Variants in SFXN5 observed in about 807,000 individuals in gnomAD.
SFXN5 encodes the protein sideroflexin-5.
A neutral mutation model predicts 50.2 loss-of-function variants in SFXN5; 43 were observed. The observed-to-expected ratio is 0.86, with a 90% CI of 0.67 to 1.11. The LOEUF is 1.11. Among genes scored for constraint, SFXN5 ranks in the 50% least tolerant of loss-of-function variants. The pLI, the probability that SFXN5 is intolerant of heterozygous loss-of-function variation, is 0.00. For missense variants in SFXN5, 463 were observed against 454.1 expected, an observed-to-expected ratio of 1.02 and a Z score of -0.18; for synonymous variants, 203 against 185.8, an observed-to-expected ratio of 1.09 and a Z score of -0.75.
Position 72,992,153 on chromosome 2 carries a change from G to A in SFXN5, c.535-3805C>T, listed in dbSNP as rs1385550670. Among the ~76,000 whole-genome samples, 1 of 152,232 alleles carries A rather than the reference G, an allele frequency of 6.6e-6. No homozygotes were observed. Among genetic ancestry groups the A allele is most frequent in the East Asian group, 1.9e-4 (1 of 5,198 alleles). ...TCTCCAAGGTCTGGCTACTGGGCCA[G>A]TGAATTTGCCATGAGCAGCTGACAG... On this transcript the variant is annotated intron_variant, in intron 9 of 13. Transcript: ENST00000272433. The surrounding 1 kb of genome is among the most constrained non-coding windows in gnomAD (Gnocchi z 4.5).
intron 6 of SFXN5, among the ~76,000 whole-genome samples, chr2:73,008,980 T>C (rs1420238246): frequency 3.3e-5 from 5 of 152,036 alleles, no homozygotes; most frequent in Admixed American, 3.3e-4. Flanking sequence ...GGAAACAGCG[T>C]AGGGGTCAAG....
At chr2:72,986,780 C>T (rs1458705261) in intron 10 of SFXN5, among the ~76,000 whole-genome samples, 2 of 152,200 alleles carry the variant, frequency 1.3e-5, no homozygotes, top group African/African-American at 4.8e-5. Context: ...TCCAGGGCCC[C>T]AGCCTGGGGC....
intron 9 of SFXN5, chr2:72,997,987 C>T (rs1468240674): frequency 3.3e-5 from 5 of 151,990 alleles, no homozygotes; most frequent in Admixed American, 2.0e-4. Flanking sequence ...GACTCCAACA[C>T]CTGGGCTCAA....
intron 9 of SFXN5, chr2:72,998,003 C>T (rs1255398025): frequency 2.6e-5 from 4 of 152,308 alleles, no homozygotes; most frequent in Admixed American, 6.5e-5. Flanking sequence ...CTCAATGATC[C>T]TCCTACCTCA....
At chr2:73,012,106 T>G (rs922003105) in intron 6 of SFXN5, among the ~76,000 whole-genome samples, 5 of 152,210 alleles carry the variant, frequency 3.3e-5, no homozygotes, top group Admixed American at 3.3e-4. Flanking sequence ...AAGTATATTG[T>G]TATATTTTAA....
At chr2:73,010,388 GT>G (rs1345574889) in intron 6 of SFXN5, among the ~76,000 whole-genome samples, 3 of 152,178 alleles carry the variant, frequency 2.0e-5, no homozygotes, top group African/African-American at 7.2e-5. Context: ...GAATGTGAAT[GT>G]GATGGCTGGA....
intron 3 of SFXN5, 56 bp from the exon 4 acceptor site, chr2:73,023,270 G>A (rs1291321715): frequency 3.1e-5 from 47 of 1,513,748 alleles, no homozygotes; most frequent in Middle Eastern, 3.4e-4. Context: ...AGCATATATC[G>A]GTTTAAGGCT....
At chr2:73,029,847 A>G (rs1678068880) in intron 3 of SFXN5, among the ~76,000 whole-genome samples, 1 of 152,124 alleles carries the variant, frequency 6.6e-6, no homozygotes, top group Admixed American at 6.5e-5. Context: ...TGAGGCAGGC[A>G]AACTGCTTGA....
intron 12 of SFXN5, 31 bp downstream of exon 12, chr2:72,968,417 T>C (rs746778928): frequency 1.9e-6 from 3 of 1,538,622 alleles, no homozygotes; most frequent in South Asian, 1.1e-5. Context: ...TCCCCCATGG[T>C]GGCCTCTCCA....
intron 6 of SFXN5, among the ~76,000 whole-genome samples, chr2:73,012,404 T>C (rs1005250924): frequency 7.2e-5 from 11 of 152,098 alleles, no homozygotes; most frequent in Middle Eastern, 3.2e-3. Flanking sequence ...TGTATAATTT[T>C]ATAAAATATA....
chr2:72,985,046 C>T (rs1671734825), intron 10 of SFXN5, among the ~76,000 whole-genome samples: 1 of 152,190 alleles, frequency 6.6e-6, no homozygotes, highest in African/African-American at 2.4e-5. Flanking sequence ...CAAGCCTCTT[C>T]AGGACCCCCA....
At chr2:73,063,923 C>T (rs952748666) in intron 1 of SFXN5, among the ~76,000 whole-genome samples, 2 of 152,214 alleles carry the variant, frequency 1.3e-5, no homozygotes, top group African/African-American at 4.8e-5. Context: ...CCAAATTCAG[C>T]TCCCATCTTT....
At position 72,945,059 on chromosome 2, in the gene SFXN5, G is replaced by A. The variant is rs756760724; in HGVS notation, c.986C>T (p.Thr329Met). ...SQLEPEIAQA[T>M]SSRTVVYNKG... ...GTTGTACACCACTGTCCGGCTGCTC[G>A]TGGCCTGGGCTATCTCCGGCTCTAA... is the stretch of plus-strand genomic sequence containing the variant. The change falls in exon 14 of 14, where the codon ACG becomes ATG. Residue 329 changes from threonine (T) to methionine (M), a missense_variant. Physicochemically the swap from Thr to Met is moderately conservative, Grantham distance 81 (BLOSUM62 -1). Transcript: ENST00000272433. The surrounding 1 kb of genome is among the most constrained non-coding windows in gnomAD (Gnocchi z 5.8). 5.0e-6 allele frequency: 8 copies of A among 1,613,874 alleles called. No individual in the cohort carries two copies. Among genetic ancestry groups the A allele is most frequent in the African/African-American group, 1.3e-5 (1 of 74,912 alleles).
chr2:72,971,919 C>T (rs1208021126), intron 10 of SFXN5, among the ~76,000 whole-genome samples: 1 of 152,166 alleles, frequency 6.6e-6, no homozygotes, highest in Non-Finnish European at 1.5e-5. Context: ...TCAGGGAGGA[C>T]ACCCGTTCTG....
Position 72,999,051 on chromosome 2 carries a change from G to A in SFXN5, c.469-37C>T, listed in dbSNP as rs1187300065. On this transcript the variant is annotated intron_variant, in intron 8 of 13. Coordinates refer to ENST00000272433, the MANE Select transcript of SFXN5 (RefSeq NM_144579.3). ...AGGCAGAATTTCAGGCCTGCTGGGT[G>A]CCCAAAGCTCCCATACTTCCCCTTG... The A allele has an allele frequency of 1.9e-6, 3 of 1,607,870 alleles. No homozygotes were observed. In the East Asian group the frequency reaches 6.7e-5, roughly 36 times the overall value.
At chr2:72,983,437 G>A (rs1166616545) in intron 10 of SFXN5, among the ~76,000 whole-genome samples, 2 of 152,184 alleles carry the variant, frequency 1.3e-5, no homozygotes, top group Non-Finnish European at 2.9e-5. Flanking sequence ...TGGCATTTCC[G>A]GTGCCTGCAG....
At chr2:72,948,820 T>G (rs1047456330) in intron 13 of SFXN5, among the ~76,000 whole-genome samples, 2 of 152,182 alleles carry the variant, frequency 1.3e-5, no homozygotes, top group African/African-American at 4.8e-5. Context: ...AGGCTTCCTC[T>G]CTCAAGTCAA....
At chr2:72,983,025 C>T (rs572243884) in intron 10 of SFXN5, among the ~76,000 whole-genome samples, 3 of 152,358 alleles carry the variant, frequency 2.0e-5, no homozygotes, top group Non-Finnish European at 4.4e-5. Flanking sequence ...CAGGTGCACA[C>T]TGCTGCCTCC....
intron 9 of SFXN5, chr2:72,998,036 C>T (rs1348721975): frequency 6.6e-6 from 1 of 152,390 alleles, no homozygotes; most frequent in Non-Finnish European, 1.5e-5. Flanking sequence ...GCTGGGACTA[C>T]AGGTGTGCCC....
Sources: gnomAD v4.1 joint callset for allele counts (sites outside exome capture counted in the v4.1 genomes callset) on GRCh38, gnomAD v4.1.1 for gene constraint, Gnocchi (gnomAD v3.1) non-coding constraint, MANE v1.5 for transcripts, NCBI Gene and HGNC (gene_info 2026-07-23, HGNC 2026-07-21) for gene names.